The following SRGAP2C variants were observed in gnomAD, a reference collection of about 807,000 sequenced individuals.
SRGAP2C encodes the protein SLIT-ROBO Rho GTPase activating protein 2C, also known as SLIT-ROBO Rho GTPase-activating protein 2C.
Under a neutral mutation model 25.1 loss-of-function variants are expected in SRGAP2C, and 15 were observed. The observed-to-expected ratio is 0.60, with a 90% CI of 0.40 to 0.92. SRGAP2C has a LOEUF of 0.92. SRGAP2C is among the 40% of genes least tolerant of loss of function. The pLI, the probability that SRGAP2C is intolerant of heterozygous loss-of-function variation, is 0.00. For missense variants in SRGAP2C, 144 were observed against 264.4 expected (o/e 0.54, Z 3.16); for synonymous variants, 44 against 96.6 (o/e 0.46, Z 3.19).
At chr1:121,383,304 G>A (rs1659877039) in intron 8 of SRGAP2C, among the ~76,000 whole-genome samples, 1 of 148,084 alleles carries the variant, frequency 6.8e-6, no homozygotes, top group Non-Finnish European at 1.5e-5. Flanking sequence ...AGGAAAGTGA[G>A]GGAGGGGGGC....
chr1:121,360,740 T>G (rs1207508562), intron 4 of SRGAP2C: 3 of 88,202 alleles, frequency 3.4e-5, no homozygotes, highest in Non-Finnish European at 6.6e-5. Context: ...AAGTGGTTAG[T>G]GAATGCCCCT....
chr1:121,216,398 A>G (rs1655386836), intron 2 of SRGAP2C, among the ~76,000 whole-genome samples: 1 of 152,138 alleles, frequency 6.6e-6, no homozygotes, highest in Non-Finnish European at 1.5e-5. Flanking sequence ...TAGTAATGAA[A>G]GAAATGTTAA....
At chr1:121,294,613 C>A (rs1657558075) in intron 3 of SRGAP2C, among the ~76,000 whole-genome samples, 1 of 83,082 alleles carries the variant, frequency 1.2e-5, no homozygotes, top group Non-Finnish European at 2.6e-5. Context: ...TTTAAATAGA[C>A]TTCCTGTAAA....
chr1:121,328,798 G>A (rs1658370546), intron 4 of SRGAP2C, among the ~76,000 whole-genome samples: 2 of 145,290 alleles, frequency 1.4e-5, no homozygotes, highest in South Asian at 2.3e-4. Flanking sequence ...AGACGGGAAG[G>A]ATCACTTGAG....
chr1:121,259,315 TAAAA>T (rs1328385180), intron 2 of SRGAP2C, among the ~76,000 whole-genome samples: 3 of 146,972 alleles, frequency 2.0e-5, no homozygotes, highest in African/African-American at 7.6e-5. Flanking sequence ...AATGCAAAAA[TAAAA>T]AAATTTAAAA....
intron 3 of SRGAP2C, among the ~76,000 whole-genome samples, chr1:121,295,353 G>A (rs1487218389): frequency 1.2e-4 from 18 of 151,710 alleles, no homozygotes; most frequent in African/African-American, 4.4e-4. Context: ...TAACCTAGTG[G>A]TAGTTTGCTA....
chr1:121,379,283 AG>A (rs1363126856), intron 7 of SRGAP2C, among the ~76,000 whole-genome samples: 4 of 151,896 alleles, frequency 2.6e-5, no homozygotes, highest in Non-Finnish European at 5.9e-5. Flanking sequence ...CAGCTGGGAA[AG>A]GGTTAATGAG....
chr1:121,270,802 T>C lies in SRGAP2C; in HGVS notation c.68-14001T>C, dbSNP rs1656929545. Among the ~76,000 whole-genome samples, 5 of 147,190 alleles carry C rather than the reference T, an allele frequency of 3.4e-5. No individual in the cohort carries two copies. The South Asian group carries it at 1.0e-3, about 31-fold the overall frequency. On this transcript the variant is annotated intron_variant, in intron 2 of 9. Coordinates refer to ENST00000367123, the MANE Select transcript of SRGAP2C (RefSeq NM_001329984.2). ...ATTTAAGAGATAAGGAGGTTTTTTT[T>C]TTTTTTTTGAGACGGAGTCTCGCTC...
intron 3 of SRGAP2C, among the ~76,000 whole-genome samples, chr1:121,321,150 G>A (rs1336601354): frequency 7.1e-6 from 1 of 141,212 alleles, no homozygotes; most frequent in African/African-American, 2.7e-5. Flanking sequence ...GCAAGACATT[G>A]CAGTGGTATC....
chr1:121,228,938 G>A (rs1308855538), intron 2 of SRGAP2C, among the ~76,000 whole-genome samples: 1 of 151,910 alleles, frequency 6.6e-6, no homozygotes, highest in Non-Finnish European at 1.5e-5. Flanking sequence ...AGAGCAGCCT[G>A]GTCCTTAATT....
At chr1:121,293,778 C>G (rs1185052758) in intron 3 of SRGAP2C, among the ~76,000 whole-genome samples, 11 of 118,254 alleles carry the variant, frequency 9.3e-5, no homozygotes, top group African/African-American at 3.3e-4. Context: ...GTTGGGCTAG[C>G]AATGCCATGA....
At chr1:121,356,835 A>G (rs2101640446) in intron 4 of SRGAP2C, among the ~76,000 whole-genome samples, 1 of 151,696 alleles carries the variant, frequency 6.6e-6, no homozygotes, top group East Asian at 2.0e-4. Flanking sequence ...GTCTGTTTTA[A>G]GGGATGTTGT....
At chr1:121,201,281 G>T (rs1281471373) in intron 2 of SRGAP2C, among the ~76,000 whole-genome samples, 1 of 131,602 alleles carries the variant, frequency 7.6e-6, no homozygotes. Context: ...TTTAAGGCCA[G>T]TAACAACACA....
intron 2 of SRGAP2C, among the ~76,000 whole-genome samples, chr1:121,244,104 TA>T (rs587681644): frequency 0.019 from 1,857 of 97,866 alleles, 22 homozygotes; most frequent in African/African-American, 0.075. Flanking sequence ...TGGTGGAGAT[TA>T]AAAAAAAAAA....
At chr1:121,335,135 A>G (rs1415457416) in intron 4 of SRGAP2C, among the ~76,000 whole-genome samples, 5 of 150,166 alleles carry the variant, frequency 3.3e-5, no homozygotes, top group Non-Finnish European at 5.9e-5. Flanking sequence ...TCTACTAAAA[A>G]TACAAAAATT....
chr1:121,246,444 CTA>C (rs1240122133), intron 2 of SRGAP2C, among the ~76,000 whole-genome samples: 1 of 101,330 alleles, frequency 9.9e-6, no homozygotes, highest in Non-Finnish European at 1.9e-5. Flanking sequence ...GGCACATACT[CTA>C]AAAATCTGAT....
chr1:121,283,599 T>C (rs2101566612), intron 2 of SRGAP2C, among the ~76,000 whole-genome samples: 1 of 149,024 alleles, frequency 6.7e-6, no homozygotes, highest in Admixed American at 6.8e-5. Flanking sequence ...GGAATGAATT[T>C]GGGGCACACA....
In SRGAP2C at chr1:121,354,276, TTCTTTCTTTCTTTC is replaced by T. The variant is rs1658996796; in HGVS notation, c.424-11015_424-11002del. Among the ~76,000 whole-genome samples, 2 of 43,622 alleles carry T rather than the reference TTCTTTCTTTCTTTC, an allele frequency of 4.6e-5. 1 individual carries two copies. Among genetic ancestry groups the T allele is most frequent in the Non-Finnish European group, 9.4e-5 (2 of 21,370 alleles). 28.6% of individuals were successfully genotyped at this position (43,622 alleles called of 152,430 possible). A position where few individuals can be genotyped will look rare whatever the true frequency, so the allele number is the denominator to read the frequency against. ...CTTTCTCTCTCCTTTCTTTCTTTCT[TTCTTTCTTTCTTTC>T]TTTCTTTCTTTCTTTCTTTCTTTCT... On this transcript the variant is annotated intron_variant, in intron 4 of 9. Transcript: ENST00000367123.
At chr1:121,236,174 G>A (rs1553328586) in intron 2 of SRGAP2C, among the ~76,000 whole-genome samples, 1 of 151,474 alleles carries the variant, frequency 6.6e-6, no homozygotes, top group Non-Finnish European at 1.5e-5. Flanking sequence ...CACAGTTTGG[G>A]CTCTAGGACT....
Sources: gnomAD v4.1 joint callset for allele counts (sites outside exome capture counted in the v4.1 genomes callset) on GRCh38, gnomAD v4.1.1 for gene constraint, MANE v1.5 for transcripts, NCBI Gene and HGNC (gene_info 2026-07-23, HGNC 2026-07-21) for gene names.